RUNX1: variants seen among roughly 807,000 people sequenced by gnomAD.
RUNX1 encodes the protein runt-related transcription factor 1.
RUNX1 carries 19 observed loss-of-function variants against 42.8 expected under a neutral mutation model. The observed-to-expected ratio is 0.44, with a 90% CI of 0.31 to 0.65. The LOEUF (loss-of-function observed/expected upper bound fraction) is 0.65. Among genes scored for constraint, RUNX1 ranks in the 30% least tolerant of loss-of-function variants. The pLI, the probability that RUNX1 is intolerant of heterozygous loss-of-function variation, is 0.07. For synonymous variants in RUNX1, 271 were observed against 289.4 expected, an observed-to-expected ratio of 0.94 and a Z score of 0.64; for missense variants, 528 against 672.0, an observed-to-expected ratio of 0.79 and a Z score of 2.37.
At chr21:34,969,278 C>A (rs1055988027) in intron 2 of RUNX1, among the ~76,000 whole-genome samples, 55 of 151,994 alleles carry the variant, frequency 3.6e-4, no homozygotes, top group African/African-American at 1.3e-3. Flanking sequence ...CAAAAATGCG[C>A]ATAGAGCAGG....
chr21:34,819,349 G>A (rs1003314), intron 7 of RUNX1, among the ~76,000 whole-genome samples: 1 of 152,120 alleles, frequency 6.6e-6, no homozygotes, highest in Non-Finnish European at 1.5e-5. Flanking sequence ...CTATGGGAGG[G>A]GAAGATGGAG....
intron 2 of RUNX1, among the ~76,000 whole-genome samples, chr21:34,904,300 G>T (rs1555902255): frequency 1.3e-5 from 2 of 151,974 alleles, no homozygotes; most frequent in Non-Finnish European, 2.9e-5. Flanking sequence ...AGAGTGGAAA[G>T]ATTTTTTTAA....
intron 7 of RUNX1, among the ~76,000 whole-genome samples, chr21:34,807,933 C>T (rs865905388): frequency 6.6e-6 from 1 of 152,344 alleles, no homozygotes; most frequent in South Asian, 2.1e-4. Context: ...CCTGAAAGTT[C>T]CACTGTCTTT....
chr21:34,946,736 T>C (rs2058565909), intron 2 of RUNX1, among the ~76,000 whole-genome samples: 1 of 152,148 alleles, frequency 6.6e-6, no homozygotes, highest in Non-Finnish European at 1.5e-5. Context: ...TCTGGTGACC[T>C]ACAGACATGG....
chr21:34,851,793 A>G (rs1359068520), intron 6 of RUNX1, among the ~76,000 whole-genome samples: 2 of 152,212 alleles, frequency 1.3e-5, no homozygotes, highest in South Asian at 2.1e-4. Flanking sequence ...TGCCTAGATC[A>G]TCTCTTTGGG....
At chr21:35,010,288 A>C (rs752058586) in intron 2 of RUNX1, among the ~76,000 whole-genome samples, 1 of 152,102 alleles carries the variant, frequency 6.6e-6, no homozygotes, top group African/African-American at 2.4e-5. Flanking sequence ...TCCAATATAG[A>C]TTTGGGGTAG....
intron 5 of RUNX1, among the ~76,000 whole-genome samples, chr21:34,862,431 C>T (rs1282948846): frequency 6.6e-6 from 1 of 152,218 alleles, no homozygotes; most frequent in African/African-American, 2.4e-5. Flanking sequence ...AATAAATTAT[C>T]ACAAACTGGG....
chr21:34,935,832 C>A (rs550191770), intron 2 of RUNX1, among the ~76,000 whole-genome samples: 1 of 152,308 alleles, frequency 6.6e-6, no homozygotes, highest in African/African-American at 2.4e-5. Flanking sequence ...CACTGGGATA[C>A]AGCATGTCCA....
At chr21:34,945,660 T>C (rs992118448) in intron 2 of RUNX1, among the ~76,000 whole-genome samples, 1 of 152,244 alleles carries the variant, frequency 6.6e-6, no homozygotes, top group Non-Finnish European at 1.5e-5. Context: ...TTCTCCACAC[T>C]GTGGCAACTC....
chr21:34,905,893 G>T (rs1040870702), intron 2 of RUNX1, among the ~76,000 whole-genome samples: 2 of 152,110 alleles, frequency 1.3e-5, no homozygotes, highest in African/African-American at 4.8e-5. Context: ...TAGAAAAAAA[G>T]CATCCTCTCT....
Position 34,894,631 on chromosome 21 carries a change from T to C in RUNX1, c.59-1668A>G, listed in dbSNP as rs373606211. ...GGGAGGTTGCGTGTGTTTAAGACAG[T>C]GAACAATGAATCTGGTAGCCCATCC... On this transcript the variant is annotated intron_variant, in intron 2 of 8. Coordinates refer to ENST00000675419, the MANE Select transcript of RUNX1 (RefSeq NM_001754.5). 2.6e-4 allele frequency among the ~76,000 whole-genome samples: 40 copies of C among 152,200 alleles called. 2 individuals carry two copies. In the South Asian group the frequency reaches 7.3e-3, roughly 28 times the overall value.
chr21:34,850,645 T>TG (rs944415909), intron 6 of RUNX1, among the ~76,000 whole-genome samples: 1 of 152,188 alleles, frequency 6.6e-6, no homozygotes, highest in Non-Finnish European at 1.5e-5. Context: ...GTGCAACATT[T>TG]GGGGGCAAGG....
At chr21:34,852,989 C>T (rs534871824) in intron 6 of RUNX1, among the ~76,000 whole-genome samples, 2 of 152,336 alleles carry the variant, frequency 1.3e-5, no homozygotes, top group South Asian at 2.1e-4. Context: ...ATCCCCCCGG[C>T]GGCTACGTGC....
At chr21:34,912,193 ACCTCCTCCAG>A (rs1283812409) in intron 2 of RUNX1, among the ~76,000 whole-genome samples, 1 of 148,376 alleles carries the variant, frequency 6.7e-6, no homozygotes, top group East Asian at 2.0e-4. Context: ...TGTAGCTGCC[ACCTCCTCCAG>A]CCTACGTACC....
intron 2 of RUNX1, among the ~76,000 whole-genome samples, chr21:34,934,074 CTT>C (rs2058467541): frequency 6.6e-6 from 1 of 152,094 alleles, no homozygotes; most frequent in Non-Finnish European, 1.5e-5. Context: ...AGTTGCTTGC[CTT>C]TGTTCTAAGA....
intron 6 of RUNX1, among the ~76,000 whole-genome samples, chr21:34,856,853 G>A (rs112664476): frequency 3.2e-4 from 48 of 152,294 alleles, no homozygotes; most frequent in African/African-American, 1.2e-3. Context: ...GGCAACATCT[G>A]GGCATCCTGA....
rs534544303 is a variant in RUNX1, at chr21:34,841,649, C to T, written c.614-7048G>A. ...GGCAGCAGTGGCCACCTTGCTCTTGCCCCTGTGTCACTGCCCTGGGGCCTT... is the reference window on the plus strand; with the variant it reads ...GGCAGCAGTGGCCACCTTGCTCTTGTCCCTGTGTCACTGCCCTGGGGCCTT... On this transcript the variant is annotated intron_variant, in intron 6 of 8. Coordinates refer to ENST00000675419, the MANE Select transcript of RUNX1 (RefSeq NM_001754.5). 2.0e-5 allele frequency among the ~76,000 whole-genome samples: 3 copies of T among 152,324 alleles called. No homozygotes were observed. The South Asian group carries it at 6.2e-4, about 32-fold the overall frequency.
intron 6 of RUNX1, among the ~76,000 whole-genome samples, chr21:34,847,461 A>C (rs1419943686): frequency 1.4e-5 from 2 of 140,856 alleles, no homozygotes; most frequent in African/African-American, 5.1e-5. Flanking sequence ...ATTTTAATAT[A>C]GTACATGCAA....
intron 6 of RUNX1, among the ~76,000 whole-genome samples, chr21:34,851,212 A>G (rs1287725289): frequency 6.0e-5 from 9 of 150,170 alleles, no homozygotes; most frequent in African/African-American, 1.8e-4. Context: ...ACTTTACAGC[A>G]AAAAAACGAC....
Sources: gnomAD v4.1 joint callset for allele counts (sites outside exome capture counted in the v4.1 genomes callset) on GRCh38, gnomAD v4.1.1 for gene constraint, MANE v1.5 for transcripts, NCBI Gene and HGNC (gene_info 2026-07-23, HGNC 2026-07-21) for gene names.